The following DCBLD1 variants were observed in gnomAD, a reference collection of about 807,000 sequenced individuals.
DCBLD1 encodes the protein discoidin, CUB and LCCL domain-containing protein 1.
In DCBLD1, 57 loss-of-function variants were observed where a neutral mutation model predicts 71.5. The observed-to-expected ratio is 0.80, with a 90% CI of 0.64 to 0.99. The LOEUF (loss-of-function observed/expected upper bound fraction) is 0.99, where lower values mean the gene tolerates loss of function less well. Among genes scored for constraint, DCBLD1 ranks in the 50% least tolerant of loss-of-function variants. The probability of loss-of-function intolerance (pLI) is 0.00; values close to 1 mark genes in which losing one functional copy is unlikely to be tolerated. For missense variants in DCBLD1, 891 were observed against 923.5 expected (o/e 0.96, Z 0.46); for synonymous variants, 380 against 363.8 (o/e 1.04, Z -0.51).
rs906200910 is a variant in DCBLD1 at position 117,548,423 on chromosome 6, T to C, written c.2132T>C (p.Met711Thr). 9 of 1,550,516 alleles carry C rather than the reference T, an allele frequency of 5.8e-6. No homozygotes were observed. The African/African-American group carries it at 1.1e-4, about 19-fold the overall frequency. ...CTCACACCCCTCAACCAGACGGCCA[T>C]GACTGCCCTTTTGTGAACACAATGT... Reference protein sequence around the residue: ...DCLTPLNQTAMTALL With the variant: ...DCLTPLNQTATTALL The change falls in exon 15 of 15, where the codon ATG becomes ACG. Residue 711 changes from methionine to threonine, a missense_variant. Met to Thr is a moderately conservative substitution (Grantham distance 81). Coordinates refer to ENST00000338728, the MANE Select transcript of DCBLD1 (RefSeq NM_001366458.2).
intron 14 of DCBLD1, among the ~76,000 whole-genome samples, chr6:117,568,378 T>TTA (rs1779741038): frequency 6.6e-6 from 1 of 152,176 alleles, no homozygotes; most frequent in South Asian, 2.1e-4. Flanking sequence ...ACTCACTAAG[T>TTA]TAGTCTCTTT....
intron 14 of DCBLD1, among the ~76,000 whole-genome samples, chr6:117,564,626 G>T (rs1035719739): frequency 2.0e-5 from 3 of 152,032 alleles, no homozygotes; most frequent in African/African-American, 7.2e-5. Flanking sequence ...TCAGTTAAAA[G>T]ATATATACAC....
chr6:117,511,891 C>T (rs187866913), intron 2 of DCBLD1, among the ~76,000 whole-genome samples: 13 of 152,256 alleles, frequency 8.5e-5, no homozygotes, highest in East Asian at 5.8e-4. Flanking sequence ...CCTAGAAGTG[C>T]GTCCTCCTCT....
intron 4 of DCBLD1, among the ~76,000 whole-genome samples, chr6:117,524,200 A>AT (rs879540380): frequency 0.015 from 2,178 of 140,920 alleles, 39 homozygotes; most frequent in African/African-American, 0.047. Context: ...TTGAATCCTA[A>AT]TTTTTTTTTT....
intron 2 of DCBLD1, among the ~76,000 whole-genome samples, chr6:117,505,872 A>T (rs1055886533): frequency 6.6e-6 from 1 of 152,090 alleles, no homozygotes; most frequent in Non-Finnish European, 1.5e-5. Context: ...TTGCAAGGTG[A>T]TCATGGTCTG....
At chr6:117,534,059 C>T in intron 6 of DCBLD1, among the ~76,000 whole-genome samples, 1 of 152,208 alleles carries the variant, frequency 6.6e-6, no homozygotes, top group East Asian at 1.9e-4. Context: ...CTCTGCCTAC[C>T]ATAACCCTCC....
chr6:117,522,632 G>T (rs540134417), intron 4 of DCBLD1, among the ~76,000 whole-genome samples: 2 of 152,168 alleles, frequency 1.3e-5, no homozygotes, highest in African/African-American at 4.8e-5. Context: ...TTAGAAATGG[G>T]TGTCTTTCTA....
chr6:117,484,923 A>T (rs1012940927), intron 1 of DCBLD1: 1 of 152,194 alleles, frequency 6.6e-6, no homozygotes, highest in East Asian at 1.9e-4. Context: ...GTTTTAAAAA[A>T]GTGTCCACCC....
At chr6:117,504,270 T>G (rs1268914308) in intron 2 of DCBLD1, among the ~76,000 whole-genome samples, 2 of 152,172 alleles carry the variant, frequency 1.3e-5, no homozygotes, top group African/African-American at 4.8e-5. Flanking sequence ...ATCTATACAG[T>G]TCATTATTCA....
chr6:117,569,559 G>T, intron 14 of DCBLD1: 1 of 1,611,356 alleles, frequency 6.2e-7, no homozygotes, highest in Non-Finnish European at 8.5e-7. Context: ...CTAATTACAT[G>T]AAGGGAATTT....
chr6:117,545,358 C>T (rs911730197), intron 13 of DCBLD1, 120 bp from the exon 14 acceptor site: 1 of 1,345,632 alleles, frequency 7.4e-7, no homozygotes, highest in Admixed American at 1.9e-5. Flanking sequence ...CTGAGGAGGA[C>T]ATTGATCACT....
chr6:117,569,728 T>C, exon 15 of DCBLD1: 1 of 1,588,976 alleles, frequency 6.3e-7, no homozygotes, highest in South Asian at 1.2e-5. Flanking sequence ...CACCATGTTC[T>C]TTCCCACCCT....
Position 117,539,254 on chromosome 6 carries a change from GGAAT to G in DCBLD1, c.977_980del (p.Gly326ValfsTer19). ...GCCTGTAAATATTATTTTCTTACAA[GGAAT>G]TAGGACCACAGGATCTACACAGTCG... On this transcript the variant is annotated frameshift_variant and splice_region_variant, in exon 9 of 15. Coordinates refer to ENST00000338728, the MANE Select transcript of DCBLD1 (RefSeq NM_001366458.2). LOFTEE classifies it high-confidence loss of function. The G allele has an allele frequency of 7.2e-7, 1 of 1,390,114 alleles. No individual in the cohort carries two copies. The highest frequency in any genetic ancestry group is 1.7e-5 in the South Asian group (1 of 59,032). 86.1% of individuals were successfully genotyped at this position (1,390,114 alleles called of 1,614,324 possible).
intron 5 of DCBLD1, among the ~76,000 whole-genome samples, chr6:117,529,085 T>C (rs1235895509): frequency 6.6e-6 from 1 of 152,156 alleles, no homozygotes; most frequent in African/African-American, 2.4e-5. Context: ...TGTATCCACC[T>C]GCCTTGGCCT....
At chr6:117,525,245 C>G (rs766840682) in intron 4 of DCBLD1, 117 bp from the exon 5 acceptor site, 5 of 634,070 alleles carry the variant, frequency 7.9e-6, no homozygotes, top group Non-Finnish European at 1.1e-5. Flanking sequence ...TTCTAATTTG[C>G]CATTAAAGCA....
At chr6:117,483,006 G>C in intron 1 of DCBLD1, 113 bp downstream of exon 1, 4 of 1,003,536 alleles carry the variant, frequency 4.0e-6, no homozygotes, top group Admixed American at 5.6e-5. Context: ...GGCCTGGGGG[G>C]ACGGAGCGCG....
intron 14 of DCBLD1, among the ~76,000 whole-genome samples, chr6:117,558,251 C>G (rs552963831): frequency 6.6e-6 from 1 of 152,308 alleles, no homozygotes; most frequent in Non-Finnish European, 1.5e-5. Context: ...TTCAATCCCT[C>G]CATTGTAGGA....
chr6:117,544,167 C>T (rs938419322), intron 12 of DCBLD1: 5 of 182,800 alleles, frequency 2.7e-5, no homozygotes, highest in Non-Finnish European at 3.4e-5. Flanking sequence ...TCTAAAGACA[C>T]CCACAGTTTT....
intron 2 of DCBLD1, among the ~76,000 whole-genome samples, chr6:117,506,089 T>C (rs1235227451): frequency 1.1e-3 from 169 of 152,334 alleles, no homozygotes; most frequent in Non-Finnish European, 1.9e-4. Flanking sequence ...TTCATTATTA[T>C]AGAAATAAAC....
Sources: gnomAD v4.1 joint callset for allele counts (sites outside exome capture counted in the v4.1 genomes callset) on GRCh38, gnomAD v4.1.1 for gene constraint, MANE v1.5 for transcripts, NCBI Gene and HGNC (gene_info 2026-07-23, HGNC 2026-07-21) for gene names.